Variants in SCML4 observed in about 807,000 individuals in gnomAD.
SCML4 encodes the protein sex comb on midleg-like protein 4.
Under a neutral mutation model 41.1 loss-of-function variants are expected in SCML4, and 34 were observed. That is an observed-to-expected ratio of 0.83 (90% CI 0.63 to 1.10). The LOEUF is 1.10. SCML4 is among the 50% of genes least tolerant of loss of function. The probability of loss-of-function intolerance (pLI) is 0.00; values close to 1 mark genes in which losing one functional copy is unlikely to be tolerated. For missense variants in SCML4, 522 were observed against 534.1 expected (o/e 0.98, Z 0.22); for synonymous variants, 214 against 220.9 (o/e 0.97, Z 0.28).
At chr6:107,825,764 C>T (rs975659832), upstream of SCML4, among the ~76,000 whole-genome samples, 23 of 150,974 alleles carry the variant, frequency 1.5e-4, no homozygotes, top group Non-Finnish European at 3.1e-4. Context: ...GGTGAAACCC[C>T]GTCTCTACTA....
At position 107,704,076 on chromosome 6, in the gene SCML4, A is replaced by C. The variant is rs1172802090; in HGVS notation, c.*1124T>G. ...TATTACTCCACTGTGAGGAAGGAAA[A>C]CCTATTTGTAAATTGAATTAAACCC... is the stretch of plus-strand genomic sequence containing the variant. On this transcript the variant is annotated 3_prime_UTR_variant, in exon 8 of 8. Coordinates refer to ENST00000369020, the MANE Select transcript of SCML4 (RefSeq NM_198081.5). The C allele has an allele frequency of 1.3e-5, 2 of 152,154 alleles. No individual in the cohort carries two copies. The highest frequency in any genetic ancestry group is 4.8e-5 in the African/African-American group (2 of 41,416). The allele number at this position is 152,154 out of a possible 1,614,324, so 9.4% of individuals were successfully genotyped here.
In SCML4 at chr6:107,749,694, C is replaced by T; in HGVS notation, c.276G>A (p.Gln92=). ...ATTCTGCTGACCTACCTGTGAGAGCCTGTGGGGCCGCCAAGCTGGGGACCG... is the reference window on the plus strand; with the variant it reads ...ATTCTGCTGACCTACCTGTGAGAGCTTGTGGGGCCGCCAAGCTGGGGACCG... ...AATVPSLAAP[Q]ALTVCLYINK... is the part of the protein sequence containing the mutation. The change falls in exon 3 of 8, where the codon CAG becomes CAA. Residue 92 remains glutamine, a synonymous_variant. Transcript: ENST00000369020. The T allele has an allele frequency of 6.2e-7, 1 of 1,613,948 alleles. No homozygotes were observed. The highest frequency in any genetic ancestry group is 1.1e-5 in the South Asian group (1 of 91,074).
At position 107,823,205 on chromosome 6, in the gene SCML4, A is replaced by G. The variant is rs113414118; in HGVS notation, c.-60+921T>C. On this transcript the variant is annotated intron_variant, in intron 1 of 7. Coordinates refer to ENST00000369020, the MANE Select transcript of SCML4 (RefSeq NM_198081.5). Reference sequence around the variant, plus strand: ...TTCTCAGAAAGCCACTGATTGTCTAACCCTCATGAGTACCGTCATGGAATC... The same window carrying G: ...TTCTCAGAAAGCCACTGATTGTCTAGCCCTCATGAGTACCGTCATGGAATC... Among the ~76,000 whole-genome samples, 613 of 152,272 alleles carry G rather than the reference A, an allele frequency of 4.0e-3. 1 individual carries two copies. Among genetic ancestry groups the G allele is most frequent in the African/African-American group, 0.012 (488 of 41,548 alleles).
At chr6:107,708,652 G>A (rs996328241) in intron 6 of SCML4, among the ~76,000 whole-genome samples, 2 of 152,154 alleles carry the variant, frequency 1.3e-5, no homozygotes, top group Non-Finnish European at 2.9e-5. Context: ...GTCCTTGCAC[G>A]GCCCTCTGGG....
intron 6 of SCML4, among the ~76,000 whole-genome samples, chr6:107,709,568 G>A (rs954668768): frequency 6.6e-6 from 1 of 152,198 alleles, no homozygotes. Flanking sequence ...CTCTGCCTGT[G>A]GCTGGTGCTT....
Position 107,740,121 on chromosome 6 carries a change from G to A in SCML4, c.682+4828C>T, listed in dbSNP as rs56019945. ...GGGAGGAAAACCAGCTTTCAGATGG[G>A]GACATCAGCTTTTAGGAAGGAAGGC... On this transcript the variant is annotated intron_variant, in intron 5 of 7. Coordinates refer to ENST00000369020, the MANE Select transcript of SCML4 (RefSeq NM_198081.5). 2,009 of 470,876 alleles carry A rather than the reference G, an allele frequency of 4.3e-3. 19 individuals carry two copies. The East Asian group carries it at 0.043, about 10-fold the overall frequency. 29.2% of individuals were successfully genotyped at this position (470,876 alleles called of 1,614,324 possible).
In SCML4 at chr6:107,750,058, C is replaced by A. The variant is rs150967817; in HGVS notation, c.157-245G>T. On this transcript the variant is annotated intron_variant, in intron 2 of 7. Coordinates refer to ENST00000369020, the MANE Select transcript of SCML4 (RefSeq NM_198081.5). Reference sequence around the variant, plus strand: ...CCACCCAGGAAATGACAGTGTCAGGCAGTGAGTGCAGGAGCACACAGAGGT... The same window carrying A: ...CCACCCAGGAAATGACAGTGTCAGGAAGTGAGTGCAGGAGCACACAGAGGT... 5.1e-4 allele frequency among the ~76,000 whole-genome samples: 77 copies of A among 152,306 alleles called. 1 individual carries two copies. The highest frequency in any genetic ancestry group is 1.8e-3 in the African/African-American group (74 of 41,578).
At chr6:107,778,581 C>A (rs1173075728) in intron 1 of SCML4, among the ~76,000 whole-genome samples, 3 of 152,006 alleles carry the variant, frequency 2.0e-5, no homozygotes, top group African/African-American at 7.3e-5. Flanking sequence ...AATACTACAA[C>A]GGAAAGCAAG....
Position 107,746,834 on chromosome 6 carries a change from C to T in SCML4, c.342G>A (p.Lys114=), listed in dbSNP as rs770462390. ...ANAGPYLERK[K]VQQLPEHFGP... ...CAAAATGCTCCGGGAGCTGCTGCAC[C>T]TTCTTCCTCTCCAGATAGGGCCCCG... The change falls in exon 4 of 8, where the codon AAG becomes AAA. Residue 114 remains lysine, a synonymous_variant. Coordinates refer to ENST00000369020, the MANE Select transcript of SCML4 (RefSeq NM_198081.5). The T allele has an allele frequency of 1.2e-5, 20 of 1,613,948 alleles. No homozygotes were observed. The highest frequency in any genetic ancestry group is 4.0e-5 in the African/African-American group (3 of 74,948).
chr6:107,748,267 C>A (rs1166617802), intron 3 of SCML4, among the ~76,000 whole-genome samples: 22 of 152,362 alleles, frequency 1.4e-4, no homozygotes, highest in South Asian at 6.2e-4. Flanking sequence ...CACTCCCCAT[C>A]ATCCTCCCAT....
chr6:107,845,700 G>A, the SCML4 span, among the ~76,000 whole-genome samples: 1 of 152,226 alleles, frequency 6.6e-6, no homozygotes, highest in Non-Finnish European at 1.5e-5. Context: ...TTTCAATTGT[G>A]TATGACAGAA....
intron 2 of SCML4, among the ~76,000 whole-genome samples, chr6:107,759,192 G>A (rs1033832718): frequency 4.0e-5 from 6 of 151,440 alleles, no homozygotes; most frequent in African/African-American, 1.2e-4. Flanking sequence ...CTGGCTGGGT[G>A]TGGTGGCATG....
chr6:107,799,115 TGTAA>T (rs910093680), intron 1 of SCML4, among the ~76,000 whole-genome samples: 8 of 152,194 alleles, frequency 5.3e-5, no homozygotes, highest in African/African-American at 1.9e-4. Context: ...TCTATACCCT[TGTAA>T]GTATTTCAGT....
chr6:107,736,166 G>T (rs144617887), intron 5 of SCML4, among the ~76,000 whole-genome samples: 1 of 152,196 alleles, frequency 6.6e-6, no homozygotes, highest in East Asian at 1.9e-4. Flanking sequence ...AAAACATCCC[G>T]TGTGGGAAAG....
intron 1 of SCML4, among the ~76,000 whole-genome samples, chr6:107,817,889 C>A (rs903896901): frequency 4.6e-5 from 7 of 152,184 alleles, no homozygotes; most frequent in Non-Finnish European, 8.8e-5. Context: ...ATTAAAGCAA[C>A]ACACGGTTGT....
chr6:107,837,189 C>T, the SCML4 span, among the ~76,000 whole-genome samples: 1 of 152,202 alleles, frequency 6.6e-6, no homozygotes, highest in East Asian at 1.9e-4. Flanking sequence ...CTACCCATTA[C>T]CAAGTCTACC....
intron 5 of SCML4, among the ~76,000 whole-genome samples, chr6:107,740,326 C>T (rs1777472750): frequency 6.6e-6 from 1 of 152,200 alleles, no homozygotes; most frequent in Non-Finnish European, 1.5e-5. Context: ...ATCCATCCTG[C>T]AAACGAGGTT....
At chr6:107,733,532 G>A (rs1776757657) in intron 5 of SCML4, among the ~76,000 whole-genome samples, 1 of 152,158 alleles carries the variant, frequency 6.6e-6, no homozygotes, top group Non-Finnish European at 1.5e-5. Flanking sequence ...TCTTGGCATG[G>A]TTTGCCATTC....
intron 2 of SCML4, among the ~76,000 whole-genome samples, chr6:107,751,634 CTTTCTTTCTTTCTTTT>C (rs1778680437): frequency 7.3e-6 from 1 of 136,414 alleles, no homozygotes; most frequent in Non-Finnish European, 1.6e-5. Context: ...TTCTTTCTTT[CTTTCTTTCTTTCTTTT>C]TTGAGAGGGA....
Sources: allele counts gnomAD v4.1 joint callset (sites outside exome capture counted in the v4.1 genomes callset), GRCh38; gene constraint gnomAD v4.1.1; transcripts MANE v1.5; gene names NCBI Gene and HGNC (gene_info 2026-07-23, HGNC 2026-07-21).